Variants in CLINT1 observed in about 807,000 individuals in gnomAD.
CLINT1 encodes the protein clathrin interacting protein localized in the trans-Golgi region.
CLINT1 carries 15 observed loss-of-function variants against 70.4 expected under a neutral mutation model. The ratio of observed to expected loss-of-function variants is 0.21; its 90% CI spans 0.14 to 0.33. The LOEUF is 0.33. Among genes scored for constraint, CLINT1 ranks in the 10% least tolerant of loss-of-function variants. The pLI, the probability that CLINT1 is intolerant of heterozygous loss-of-function variation, is 1.00. For missense variants in CLINT1, 615 were observed against 778.1 expected (o/e 0.79, Z 2.49); for synonymous variants, 227 against 254.7 (o/e 0.89, Z 1.04).
intron 1 of CLINT1, among the ~76,000 whole-genome samples, chr5:157,845,058 A>G (rs1753321763): frequency 6.6e-6 from 1 of 152,218 alleles, no homozygotes; most frequent in Admixed American, 6.5e-5. Context: ...CAGAATCTTA[A>G]GTACTGTAGC....
intron 5 of CLINT1, among the ~76,000 whole-genome samples, chr5:157,811,891 C>G (rs1762572651): frequency 6.6e-6 from 1 of 152,064 alleles, no homozygotes; most frequent in African/African-American, 2.4e-5. Flanking sequence ...GGTAAATAAT[C>G]CAAAAACTTT....
chr5:157,850,097 T>G (rs1753520914), intron 1 of CLINT1, among the ~76,000 whole-genome samples: 2 of 151,974 alleles, frequency 1.3e-5, no homozygotes, highest in Non-Finnish European at 2.9e-5. Flanking sequence ...GGAGAAGAGA[T>G]CACAGGCGGG....
chr5:157,831,115 T>C (rs1448441614), intron 1 of CLINT1, among the ~76,000 whole-genome samples: 1 of 152,016 alleles, frequency 6.6e-6, no homozygotes, highest in Admixed American at 6.6e-5. Context: ...TGTTTTTAGC[T>C]TTTAGTTTTA....
intron 1 of CLINT1, among the ~76,000 whole-genome samples, chr5:157,834,573 G>A (rs776180790): frequency 5.9e-5 from 9 of 152,036 alleles, no homozygotes; most frequent in South Asian, 2.1e-4. Flanking sequence ...CCTCTGTTTC[G>A]TTTCCTTTAT....
intron 1 of CLINT1, 82 bp downstream of exon 1, chr5:157,858,848 A>G: frequency 1.6e-6 from 2 of 1,236,754 alleles, no homozygotes; most frequent in Non-Finnish European, 2.3e-6. Context: ...GACGTGGGCA[A>G]CCCCTAGCCC....
intron 11 of CLINT1, among the ~76,000 whole-genome samples, chr5:157,788,986 A>G (rs959250879): frequency 6.7e-6 from 1 of 149,568 alleles, no homozygotes; most frequent in Non-Finnish European, 1.5e-5. Flanking sequence ...AAAAAAAAAA[A>G]AAAGAAAACA....
intron 1 of CLINT1, among the ~76,000 whole-genome samples, chr5:157,848,836 A>G (rs1278387759): frequency 6.6e-6 from 1 of 150,980 alleles, no homozygotes; most frequent in Admixed American, 6.6e-5. Flanking sequence ...TAATTTTTGT[A>G]TTTTTAGTAG....
chr5:157,801,815 G>A (rs1353504238), intron 8 of CLINT1, among the ~76,000 whole-genome samples: 1 of 151,990 alleles, frequency 6.6e-6, no homozygotes, highest in Non-Finnish European at 1.5e-5. Context: ...AAATAATAGG[G>A]GGCTTTATAT....
At chr5:157,836,867 C>T (rs1561667446) in intron 1 of CLINT1, among the ~76,000 whole-genome samples, 1 of 152,190 alleles carries the variant, frequency 6.6e-6, no homozygotes, top group Non-Finnish European at 1.5e-5. Context: ...CTCTTTTCTT[C>T]GTAACACAGA....
intron 1 of CLINT1, among the ~76,000 whole-genome samples, chr5:157,850,017 G>T (rs908654969): frequency 1.3e-5 from 2 of 152,142 alleles, no homozygotes; most frequent in Non-Finnish European, 2.9e-5. Context: ...AAATAGTGAC[G>T]AGTGTGAGTG....
At chr5:157,812,147 G>A (rs543285654) in intron 5 of CLINT1, among the ~76,000 whole-genome samples, 3 of 146,276 alleles carry the variant, frequency 2.1e-5, no homozygotes, top group South Asian at 2.2e-4. Flanking sequence ...TTGAGAGTGG[G>A]AAAGCAGAGG....
intron 3 of CLINT1, among the ~76,000 whole-genome samples, chr5:157,815,448 G>A (rs1762691115): frequency 6.6e-6 from 1 of 152,130 alleles, no homozygotes; most frequent in Non-Finnish European, 1.5e-5. Context: ...AAAACTTTGT[G>A]AATATACTAT....
intron 1 of CLINT1, among the ~76,000 whole-genome samples, chr5:157,851,894 A>G (rs1428555082): frequency 6.6e-6 from 1 of 152,140 alleles, no homozygotes; most frequent in East Asian, 1.9e-4. Flanking sequence ...ACCTGTATTT[A>G]ATTTTCAGGC....
At chr5:157,816,106 CA>C (rs199681405) in intron 3 of CLINT1, among the ~76,000 whole-genome samples, 7 of 151,674 alleles carry the variant, frequency 4.6e-5, no homozygotes, top group Non-Finnish European at 1.0e-4. Context: ...GAAATAACAA[CA>C]AAAAAAATGA....
intron 1 of CLINT1, among the ~76,000 whole-genome samples, chr5:157,828,391 C>T (rs1028400625): frequency 5.3e-5 from 8 of 152,144 alleles, no homozygotes; most frequent in Non-Finnish European, 1.0e-4. Flanking sequence ...AGCAACAGAG[C>T]AGGCAGAGGC....
intron 1 of CLINT1, among the ~76,000 whole-genome samples, chr5:157,839,614 A>T (rs7709323): frequency 0.015 from 2,221 of 147,542 alleles, 64 homozygotes; most frequent in African/African-American, 0.054. Flanking sequence ...TAAAATAAAA[A>T]AAAAAAACAA....
intron 1 of CLINT1, among the ~76,000 whole-genome samples, chr5:157,858,701 G>C (rs1753834003): frequency 6.6e-6 from 1 of 152,208 alleles, no homozygotes; most frequent in African/African-American, 2.4e-5. Flanking sequence ...GCCTGGAAAG[G>C]AGAGAAGGGT....
chr5:157,814,768 T>C (rs1049041995), intron 3 of CLINT1, among the ~76,000 whole-genome samples: 1 of 152,172 alleles, frequency 6.6e-6, no homozygotes, highest in African/African-American at 2.4e-5. Context: ...CAGCGGCTCA[T>C]GCCTGTAACC....
intron 1 of CLINT1, among the ~76,000 whole-genome samples, chr5:157,832,019 G>C (rs146594218): frequency 1.3e-5 from 2 of 149,556 alleles, no homozygotes; most frequent in African/African-American, 2.5e-5. Context: ...ACAGAGTCTC[G>C]CACTGTCCCC....
Sources: gnomAD v4.1 joint callset for allele counts (sites outside exome capture counted in the v4.1 genomes callset) on GRCh38, gnomAD v4.1.1 for gene constraint, MANE v1.5 for transcripts, NCBI Gene and HGNC (gene_info 2026-07-23, HGNC 2026-07-21) for gene names.